The following PAX3 variants were observed in gnomAD, a reference collection of about 807,000 sequenced individuals.
PAX3 encodes paired box protein Pax-3.
PAX3 carries 14 observed loss-of-function variants against 51.6 expected under a neutral mutation model. The ratio of observed to expected loss-of-function variants is 0.27; its 90% CI spans 0.18 to 0.42. PAX3 has a LOEUF of 0.42. Among genes scored for constraint, PAX3 ranks in the 10% least tolerant of loss-of-function variants. The pLI is 1.00. For missense variants in PAX3, 540 were observed against 642.8 expected (o/e 0.84, Z 1.73); for synonymous variants, 280 against 253.4 (o/e 1.11, Z -1.00).
intron 8 of PAX3, 181 bp from the exon 9 acceptor site, chr2:222,201,623 G>A: frequency 1.5e-6 from 2 of 1,303,480 alleles, no homozygotes; most frequent in Non-Finnish European, 2.1e-6. Flanking sequence ...TCCCCCATAT[G>A]ATCCTGGAGC....
At chr2:222,267,187 C>G (rs1021138409) in intron 4 of PAX3, among the ~76,000 whole-genome samples, 2 of 152,180 alleles carry the variant, frequency 1.3e-5, no homozygotes, top group Non-Finnish European at 1.5e-5. Context: ...CCTCATAGCA[C>G]ACATTTTTGA....
intron 4 of PAX3, among the ~76,000 whole-genome samples, chr2:222,260,568 TTTTTTTTTTGTTTTTTTTTTTTG>T (rs1693813882): frequency 9.6e-6 from 1 of 103,976 alleles, no homozygotes; most frequent in Non-Finnish European, 2.0e-5. Flanking sequence ...TTTTTTTGTT[TTTTTTTTTTGTTTTTTTTTTTTG>T]TTTTTTTTTT....
intron 4 of PAX3, among the ~76,000 whole-genome samples, chr2:222,265,681 AG>A (rs1694028096): frequency 6.7e-6 from 1 of 150,224 alleles, no homozygotes; most frequent in Non-Finnish European, 1.5e-5. Flanking sequence ...GAAGGAAGGA[AG>A]GAAGGAAGGG....
intron 1 of PAX3, chr2:222,298,241 G>C (rs919807231): frequency 4.4e-5 from 21 of 475,814 alleles, no homozygotes; most frequent in Non-Finnish European, 7.5e-6. Context: ...TCAGAAGCCG[G>C]TTCACCTCCT....
intron 5 of PAX3, among the ~76,000 whole-genome samples, chr2:222,227,945 A>C (rs1016085838): frequency 2.0e-5 from 3 of 152,126 alleles, no homozygotes; most frequent in Non-Finnish European, 2.9e-5. Flanking sequence ...CTCAGGAGAA[A>C]AAAAATGAAA....
Position 222,201,997 on chromosome 2 carries a change from G to A in PAX3, c.1367C>T (p.Thr456Ile), listed in dbSNP as rs889542927. ...QSYCPPTYST[T>I]GYSMDPVTGY... ...TGTGACAGGGTCCATACTGTAGCCT[G>A]TGGTGCTATAGGTGGGTGGACAGTA... Residue 456 changes from threonine (T) to isoleucine (I), a missense_variant, in exon 8 of 9, where the codon ACA (threonine) becomes ATA (isoleucine). Physicochemically the swap from Thr to Ile is moderately conservative, Grantham distance 89. This residue lies in a region of PAX3 where 427 missense variants were observed against 483.6 expected (regional missense o/e 0.88). Transcript: ENST00000392070. 5 of 1,614,120 alleles carry A rather than the reference G, an allele frequency of 3.1e-6. No individual in the cohort carries two copies. Among genetic ancestry groups the A allele is most frequent in the Non-Finnish European group, 4.2e-6 (5 of 1,180,004 alleles).
At chr2:222,254,564 T>C (rs1296806713) in intron 4 of PAX3, among the ~76,000 whole-genome samples, 2 of 152,172 alleles carry the variant, frequency 1.3e-5, no homozygotes, top group African/African-American at 4.8e-5. Flanking sequence ...TAAACTGATG[T>C]CTCCATCAGT....
At chr2:222,207,187 TAATGGTTAAA>T (rs1359257074) in intron 7 of PAX3, among the ~76,000 whole-genome samples, 1 of 152,198 alleles carries the variant, frequency 6.6e-6, no homozygotes, top group Non-Finnish European at 1.5e-5. Flanking sequence ...TGGAGTCATC[TAATGGTTAAA>T]TTTCAGTAAC....
intron 4 of PAX3, among the ~76,000 whole-genome samples, chr2:222,289,913 C>T (rs932104976): frequency 1.3e-5 from 2 of 152,214 alleles, no homozygotes; most frequent in Non-Finnish European, 2.9e-5. Context: ...ATCGAAACGA[C>T]ATTGAAGTCA....
chr2:222,239,794 G>T (rs1664846537), intron 4 of PAX3, among the ~76,000 whole-genome samples: 1 of 150,656 alleles, frequency 6.6e-6, no homozygotes, highest in African/African-American at 2.5e-5. Flanking sequence ...TCCCCGAAAT[G>T]TGCCAGCAAA....
intron 7 of PAX3, among the ~76,000 whole-genome samples, chr2:222,207,076 T>C (rs1013499021): frequency 6.6e-6 from 1 of 152,148 alleles, no homozygotes; most frequent in African/African-American, 2.4e-5. Flanking sequence ...CCTCCAAAAA[T>C]CTACTGACTA....
rs552844516 is a variant in PAX3, at chr2:222,218,040, C to T, written c.1173+2100G>A. Among the ~76,000 whole-genome samples the T allele has an allele frequency of 1.1e-3, 165 of 152,198 alleles. 1 individual carries two copies. The highest frequency in any genetic ancestry group is 3.4e-3 in the Middle Eastern group (1 of 294). ...CTTTTCTAACTCAGTGGGGTTGCTA[C>T]AAAAACCAAGAGAACATAAATTCCT... On this transcript the variant is annotated intron_variant, in intron 7 of 8. Transcript: ENST00000392070.
rs531700137 is a variant in PAX3 at position 222,245,134 on chromosome 2, C to G, written c.587-12851G>C. Among the ~76,000 whole-genome samples the G allele has an allele frequency of 3.9e-4, 59 of 152,034 alleles. 2 individuals carry two copies. In the South Asian group the frequency reaches 9.5e-3, roughly 25 times the overall value. On this transcript the variant is annotated intron_variant, in intron 4 of 8. Transcript: ENST00000392070. ...CTGCACTCCAACCTGGACAACAGAACGAGACTGTCTCAAAAAAAGAAAAAG... is the reference window on the plus strand; with the variant it reads ...CTGCACTCCAACCTGGACAACAGAAGGAGACTGTCTCAAAAAAAGAAAAAG...
intron 7 of PAX3, among the ~76,000 whole-genome samples, chr2:222,212,289 A>G (rs1691769211): frequency 1.3e-5 from 2 of 152,178 alleles, no homozygotes; most frequent in South Asian, 2.1e-4. Flanking sequence ...TTTGTGAGAA[A>G]AAAGAAGAGT....
intron 7 of PAX3, among the ~76,000 whole-genome samples, chr2:222,212,693 G>A (rs1291106176): frequency 6.6e-6 from 1 of 151,804 alleles, no homozygotes; most frequent in Non-Finnish European, 1.5e-5. Flanking sequence ...CAAGTCTTCT[G>A]TGTCTGTAGT....
intron 4 of PAX3, 164 bp downstream of exon 4, chr2:222,294,003 C>T (rs1384625345): frequency 3.2e-6 from 5 of 1,540,672 alleles, no homozygotes; most frequent in Non-Finnish European, 3.5e-6. Flanking sequence ...TTCCTAGTGT[C>T]CCTCTGGTCT....
At chr2:222,203,651 G>A (rs372528241) in intron 7 of PAX3, among the ~76,000 whole-genome samples, 1 of 152,086 alleles carries the variant, frequency 6.6e-6, no homozygotes, top group African/African-American at 2.4e-5. Context: ...TGAGGCGGGG[G>A]GCGGGTCTAG....
intron 7 of PAX3, among the ~76,000 whole-genome samples, chr2:222,215,581 C>T (rs1175842835): frequency 6.6e-6 from 1 of 151,930 alleles, no homozygotes; most frequent in Non-Finnish European, 1.5e-5. Flanking sequence ...GGTAGGGGAA[C>T]AGTCAGGGTA....
intron 4 of PAX3, among the ~76,000 whole-genome samples, chr2:222,265,909 C>A (rs1161239282): frequency 6.6e-6 from 1 of 152,208 alleles, no homozygotes; most frequent in Non-Finnish European, 1.5e-5. Context: ...AATGACCAAA[C>A]TCCTACATCC....
Sources: gnomAD v4.1 joint callset for allele counts (sites outside exome capture counted in the v4.1 genomes callset) on GRCh38, gnomAD v4.1.1 for gene constraint, gnomAD v4.1.1 regional missense constraint, MANE v1.5 for transcripts, NCBI Gene and HGNC (gene_info 2026-07-23, HGNC 2026-07-21) for gene names.